Variants in DPP10 observed in about 807,000 individuals in gnomAD.
The protein encoded by DPP10 is inactive dipeptidyl peptidase 10.
DPP10 carries 33 observed loss-of-function variants against 120.9 expected under a neutral mutation model. The observed-to-expected ratio is 0.27, with a 90% CI of 0.21 to 0.37. DPP10 has a LOEUF of 0.37. Ranked by LOEUF, DPP10 falls within the 10% of genes least tolerant of loss-of-function variation. DPP10 has a pLI of 1.00. For synonymous variants in DPP10, 337 were observed against 326.1 expected (o/e 1.03, Z -0.36); for missense variants, 816 against 942.8 (o/e 0.87, Z 1.76).
chr2:115,106,240 C>A (rs2048939049), intron 1 of DPP10, among the ~76,000 whole-genome samples: 1 of 152,190 alleles, frequency 6.6e-6, no homozygotes, highest in Non-Finnish European at 1.5e-5. Flanking sequence ...ATAATTTCCA[C>A]AGACAGTATC....
intron 3 of DPP10, among the ~76,000 whole-genome samples, chr2:115,416,660 A>T (rs537830004): frequency 2.0e-4 from 31 of 152,266 alleles, no homozygotes; most frequent in Admixed American, 1.2e-3. Context: ...TATTCCATTA[A>T]TCGATTAATT....
At chr2:114,723,752 A>G (rs1701860877) in intron 1 of DPP10, among the ~76,000 whole-genome samples, 2 of 152,030 alleles carry the variant, frequency 1.3e-5, no homozygotes, top group South Asian at 2.1e-4. Flanking sequence ...TCAGTTCTTC[A>G]TCTTCTTTGA....
chr2:115,477,318 G>C (rs1365072774), intron 3 of DPP10, among the ~76,000 whole-genome samples: 2 of 151,844 alleles, frequency 1.3e-5, no homozygotes, highest in African/African-American at 4.8e-5. Flanking sequence ...AAAGTGACAG[G>C]GTACAAAGTC....
chr2:114,783,691 G>C (rs1036236313), intron 1 of DPP10, among the ~76,000 whole-genome samples: 1 of 151,810 alleles, frequency 6.6e-6, no homozygotes, highest in African/African-American at 2.4e-5. Flanking sequence ...AAAATTAGCC[G>C]GGTGAGGTGG....
At chr2:115,554,813 T>C (rs1054692793) in intron 5 of DPP10, among the ~76,000 whole-genome samples, 1 of 152,254 alleles carries the variant, frequency 6.6e-6, no homozygotes, top group African/African-American at 2.4e-5. Flanking sequence ...TTTTTCATCA[T>C]ATCACTAAAA....
At chr2:114,835,733 A>C (rs1574307154) in intron 1 of DPP10, 3 of 152,310 alleles carry the variant, frequency 2.0e-5, no homozygotes, top group African/African-American at 7.2e-5. Flanking sequence ...ACTGTCAGTC[A>C]GACAAATCCA....
At chr2:115,641,822 A>G (rs916317113) in intron 5 of DPP10, among the ~76,000 whole-genome samples, 6 of 152,168 alleles carry the variant, frequency 3.9e-5, no homozygotes, top group Admixed American at 3.3e-4. Flanking sequence ...TGGTGCCTCA[A>G]AACAAAACCT....
At chr2:114,571,483 C>A (rs2105016869) in intron 1 of DPP10, among the ~76,000 whole-genome samples, 1 of 152,228 alleles carries the variant, frequency 6.6e-6, no homozygotes, top group African/African-American at 2.4e-5. Context: ...CCCAGTCTTG[C>A]ATATTTCTTT....
intron 5 of DPP10, among the ~76,000 whole-genome samples, chr2:115,615,836 A>G (rs2084453160): frequency 6.6e-6 from 1 of 152,172 alleles, no homozygotes. Context: ...AGATTATATT[A>G]GAGAATTAAG....
intron 1 of DPP10, among the ~76,000 whole-genome samples, chr2:114,713,934 G>A (rs1701189604): frequency 1.3e-5 from 2 of 150,600 alleles, no homozygotes; most frequent in South Asian, 2.1e-4. Context: ...GCAGTGAGCC[G>A]AGATCGCACC....
intron 1 of DPP10, among the ~76,000 whole-genome samples, chr2:115,304,622 C>T (rs1271928558): frequency 3.9e-5 from 6 of 151,956 alleles, no homozygotes; most frequent in African/African-American, 7.2e-5. Context: ...TATTTCTTTT[C>T]AGAATACATA....
At chr2:114,639,765 A>G (rs951760088) in intron 1 of DPP10, among the ~76,000 whole-genome samples, 1 of 151,972 alleles carries the variant, frequency 6.6e-6, no homozygotes, top group Admixed American at 6.6e-5. Context: ...GATACTAGAC[A>G]ATTTATTTTT....
intron 21 of DPP10, among the ~76,000 whole-genome samples, chr2:115,831,018 GAGGCAGGATTAAGATTCTGCTTCA>G (rs1156466423): frequency 6.6e-6 from 1 of 152,188 alleles, no homozygotes; most frequent in South Asian, 2.1e-4. Context: ...CTGCCTCCTT[GAGGCAGGATTAAGATTCTGCTTCA>G]AGGCAGGATT....
At chr2:115,800,327 G>C (rs1485599882) in intron 19 of DPP10, among the ~76,000 whole-genome samples, 3 of 151,840 alleles carry the variant, frequency 2.0e-5, no homozygotes, top group Admixed American at 6.6e-5. Context: ...TGTAGATTCT[G>C]GATATTAGCC....
intron 1 of DPP10, among the ~76,000 whole-genome samples, chr2:115,043,009 T>C (rs772865839): frequency 1.3e-5 from 2 of 152,196 alleles, no homozygotes; most frequent in African/African-American, 2.4e-5. Context: ...ATGAAGAGTG[T>C]TATCTGACCA....
chr2:115,575,184 C>T (rs928938529), intron 5 of DPP10, among the ~76,000 whole-genome samples: 1 of 152,120 alleles, frequency 6.6e-6, no homozygotes, highest in African/African-American at 2.4e-5. Context: ...GTACCGAGTG[C>T]AGAGAAATAA....
intron 3 of DPP10, among the ~76,000 whole-genome samples, chr2:115,398,222 T>G (rs943355893): frequency 2.6e-5 from 4 of 152,126 alleles, no homozygotes; most frequent in African/African-American, 7.2e-5. Context: ...AAGCTGCCTC[T>G]TAATACTTAG....
At chr2:115,271,328 A>T (rs2059690819) in intron 1 of DPP10, among the ~76,000 whole-genome samples, 1 of 152,222 alleles carries the variant, frequency 6.6e-6, no homozygotes, top group Non-Finnish European at 1.5e-5. Context: ...ATCTTGACAG[A>T]AGTTTTGAAG....
At chr2:114,684,891 C>A (rs1283487441) in intron 1 of DPP10, among the ~76,000 whole-genome samples, 1 of 151,866 alleles carries the variant, frequency 6.6e-6, no homozygotes, top group Non-Finnish European at 1.5e-5. Flanking sequence ...GAGATGCTAC[C>A]TAGGGGAGAC....
Sources: gnomAD v4.1 joint callset for allele counts (sites outside exome capture counted in the v4.1 genomes callset) on GRCh38, gnomAD v4.1.1 for gene constraint, MANE v1.5 for transcripts, NCBI Gene and HGNC (gene_info 2026-07-23, HGNC 2026-07-21) for gene names.